FAM163A: variants seen among roughly 807,000 people sequenced by gnomAD.
FAM163A encodes protein FAM163A.
FAM163A carries 7 observed loss-of-function variants against 12.0 expected under a neutral mutation model. The ratio of observed to expected loss-of-function variants is 0.58; its 90% CI spans 0.33 to 1.10. The LOEUF (loss-of-function observed/expected upper bound fraction) is 1.10. Among genes scored for constraint, FAM163A ranks in the 50% least tolerant of loss-of-function variants. The pLI is 0.03. For missense variants in FAM163A, 202 were observed against 218.6 expected, an observed-to-expected ratio of 0.92 and a Z score of 0.48; for synonymous variants, 101 against 91.0, an observed-to-expected ratio of 1.11 and a Z score of -0.62.
At chr1:179,776,030 T>C (rs902636107) in intron 1 of FAM163A, among the ~76,000 whole-genome samples, 1 of 152,018 alleles carries the variant, frequency 6.6e-6, no homozygotes, top group African/African-American at 2.4e-5. Context: ...ATTAGGGAGA[T>C]TGTTACATAT....
intron 1 of FAM163A, among the ~76,000 whole-genome samples, chr1:179,803,053 A>G (rs757230035): frequency 6.6e-6 from 1 of 152,080 alleles, no homozygotes; most frequent in Admixed American, 6.6e-5. Flanking sequence ...GGACTTTGTA[A>G]TGGGCATATA....
intron 1 of FAM163A, among the ~76,000 whole-genome samples, chr1:179,745,951 G>A (rs1044320519): frequency 2.0e-5 from 3 of 152,166 alleles, no homozygotes; most frequent in Non-Finnish European, 2.9e-5. Context: ...GTAGATCCAA[G>A]AGATATTTAT....
chr1:179,811,548 G>A (rs544337542), intron 2 of FAM163A, among the ~76,000 whole-genome samples: 1 of 152,164 alleles, frequency 6.6e-6, no homozygotes, highest in Non-Finnish European at 1.5e-5. Context: ...CTTTCTAATG[G>A]TGCTCCCAGG....
chr1:179,778,438 G>A (rs532941779), intron 1 of FAM163A, among the ~76,000 whole-genome samples: 1 of 152,324 alleles, frequency 6.6e-6, no homozygotes, highest in East Asian at 1.9e-4. Context: ...GGGTGATCCC[G>A]AGCCACTAGG....
intron 1 of FAM163A, among the ~76,000 whole-genome samples, chr1:179,807,485 G>A (rs143357050): frequency 1.3e-5 from 2 of 152,178 alleles, no homozygotes; most frequent in Admixed American, 6.5e-5. Flanking sequence ...CCAGCCGAGC[G>A]CCCTGCCCCA....
chr1:179,761,343 C>G (rs998690982), intron 1 of FAM163A, among the ~76,000 whole-genome samples: 4 of 152,202 alleles, frequency 2.6e-5, no homozygotes, highest in Admixed American at 1.3e-4. Context: ...CTCTAGGGAT[C>G]TGGTTGGCAA....
chr1:179,798,212 A>G (rs1476351736), intron 1 of FAM163A, among the ~76,000 whole-genome samples: 3 of 151,330 alleles, frequency 2.0e-5, no homozygotes, highest in Non-Finnish European at 2.9e-5. Context: ...CCTGGGCCAG[A>G]CTCCATCTCA....
intron 1 of FAM163A, among the ~76,000 whole-genome samples, chr1:179,783,669 C>T (rs976244184): frequency 7.4e-5 from 10 of 134,990 alleles, no homozygotes; most frequent in Admixed American, 2.2e-4. Flanking sequence ...TTGTATTAAC[C>T]GTCAGCCACT....
intron 1 of FAM163A, among the ~76,000 whole-genome samples, chr1:179,780,469 G>T (rs1339977096): frequency 6.6e-6 from 1 of 152,184 alleles, no homozygotes. Context: ...AAAGCCAAAC[G>T]CATAAGCTCG....
chr1:179,803,563 A>T (rs1339976874), intron 1 of FAM163A, among the ~76,000 whole-genome samples: 2 of 148,910 alleles, frequency 1.3e-5, no homozygotes, highest in Admixed American at 6.7e-5. Flanking sequence ...TAAGGCCCCC[A>T]TTTTTTTTTT....
chr1:179,728,984 T>C, the FAM163A span, among the ~76,000 whole-genome samples: 7 of 152,158 alleles, frequency 4.6e-5, no homozygotes, highest in Non-Finnish European at 1.0e-4. Flanking sequence ...TGTTTGTAGC[T>C]GGTTGATTAG....
chr1:179,812,843 AAG>A (rs1694885545), intron 3 of FAM163A, among the ~76,000 whole-genome samples: 1 of 152,102 alleles, frequency 6.6e-6, no homozygotes, highest in East Asian at 1.9e-4. Context: ...CCAAAGGGGA[AAG>A]ATCGTGAGAA....
intron 4 of FAM163A, among the ~76,000 whole-genome samples, 153 bp downstream of exon 4, chr1:179,813,343 G>A (rs1694960933): frequency 6.6e-6 from 1 of 152,154 alleles, no homozygotes; most frequent in South Asian, 2.1e-4. Context: ...GGGAGTTGGG[G>A]CTGGTCGGAA....
chr1:179,755,418 A>G (rs1371476593), intron 1 of FAM163A, among the ~76,000 whole-genome samples: 2 of 152,156 alleles, frequency 1.3e-5, no homozygotes, highest in Non-Finnish European at 2.9e-5. Flanking sequence ...AGATTTTTAA[A>G]TGTTGTGGCT....
In FAM163A at chr1:179,815,382, C is replaced by G. The variant is rs370076995; in HGVS notation, c.*1193C>G. ...CCACGTCAAGTCCCCCAGAGCCCGG[C>G]ATTCTATGTAAGCATCCACCTGTGA... On this transcript the variant is annotated 3_prime_UTR_variant, in exon 5 of 5. Coordinates refer to ENST00000341785, the MANE Select transcript of FAM163A (RefSeq NM_173509.3). 7 of 152,396 alleles carry G rather than the reference C, an allele frequency of 4.6e-5. No individual in the cohort carries two copies. Among genetic ancestry groups the G allele is most frequent in the African/African-American group, 1.7e-4 (7 of 41,554 alleles). 9.4% of individuals were successfully genotyped at this position (152,396 alleles called of 1,614,324 possible).
At chr1:179,742,622 T>G (rs144656506), upstream of FAM163A, 94 of 152,396 alleles carry the variant, frequency 6.2e-4, no homozygotes, top group African/African-American at 2.1e-3. Context: ...ATGTCAGAAC[T>G]TATTGGCTGG....
In FAM163A at chr1:179,813,186, TC is replaced by T. The variant is rs1694943132; in HGVS notation, c.91del (p.Gln31SerfsTer117). On this transcript the variant is annotated frameshift_variant, in exon 4 of 5. Transcript: ENST00000341785. LOFTEE classifies it high-confidence loss of function. ...CIIAVLCYCR[L>X]QYYCCKKSGT... The stretch of plus-strand genomic sequence containing the variant: ...ATTGCCGTCCTGTGCTACTGCAGGC[TC>T]CAGGTCAGTCCCCGGGACCCGTAGC... 6.4e-7 allele frequency: 1 copy of T among 1,551,522 alleles called. No homozygotes were observed. The highest frequency in any genetic ancestry group is 8.7e-7 in the Non-Finnish European group (1 of 1,146,936).
chr1:179,807,413 G>A (rs1029900328), intron 1 of FAM163A, among the ~76,000 whole-genome samples: 1 of 152,174 alleles, frequency 6.6e-6, no homozygotes, highest in African/African-American at 2.4e-5. Flanking sequence ...GGTCAGTCAT[G>A]CAGGCAACAA....
At chr1:179,745,124 C>G (rs1326475007) in intron 1 of FAM163A, among the ~76,000 whole-genome samples, 1 of 151,998 alleles carries the variant, frequency 6.6e-6, no homozygotes, top group African/African-American at 2.4e-5. Context: ...TCTAAACCAG[C>G]AGGTACAGAC....
Sources: allele counts gnomAD v4.1 joint callset (sites outside exome capture counted in the v4.1 genomes callset), GRCh38; gene constraint gnomAD v4.1.1; transcripts MANE v1.5; gene names NCBI Gene and HGNC (gene_info 2026-07-23, HGNC 2026-07-21).